The following NUDT3 variants were observed in gnomAD, a reference collection of about 807,000 sequenced individuals.
The protein encoded by NUDT3 is diphosphoinositol polyphosphate phosphohydrolase 1.
Under a neutral mutation model 23.6 loss-of-function variants are expected in NUDT3, and 9 were observed. That is an observed-to-expected ratio of 0.38 (90% confidence interval 0.23 to 0.66). NUDT3 has a LOEUF of 0.66. NUDT3 is among the 30% of genes least tolerant of loss of function. The pLI is 0.52. For missense variants in NUDT3, 172 were observed against 218.5 expected (o/e 0.79, Z 1.34); for synonymous variants, 86 against 82.6 (o/e 1.04, Z -0.22).
chr6:34,385,959 T>C (rs992473866), intron 1 of NUDT3, among the ~76,000 whole-genome samples: 8 of 152,204 alleles, frequency 5.3e-5, no homozygotes, highest in Non-Finnish European at 1.0e-4. Context: ...GCTGGGATTA[T>C]AGGCGTGAGC....
chr6:34,330,722 G>A (rs60369123), intron 2 of NUDT3, among the ~76,000 whole-genome samples: 4 of 152,070 alleles, frequency 2.6e-5, no homozygotes, highest in Admixed American at 6.6e-5. Flanking sequence ...GATCACTTGA[G>A]CCAGGGAGGT....
chr6:34,289,672 C>A (rs1763388859), intron 4 of NUDT3, among the ~76,000 whole-genome samples: 1 of 152,162 alleles, frequency 6.6e-6, no homozygotes, highest in African/African-American at 2.4e-5. Context: ...AATTTATCTA[C>A]ATAATAGAAA....
At chr6:34,357,028 C>T (rs1236504439) in intron 1 of NUDT3, among the ~76,000 whole-genome samples, 3 of 152,186 alleles carry the variant, frequency 2.0e-5, no homozygotes, top group African/African-American at 2.4e-5. Context: ...CCGCCTGCCT[C>T]GGCCTCCCAA....
intron 1 of NUDT3, among the ~76,000 whole-genome samples, chr6:34,351,440 T>TA (rs59813238): frequency 0.014 from 1,752 of 129,072 alleles, 103 homozygotes; most frequent in African/African-American, 0.044. Flanking sequence ...ACCATGTCTT[T>TA]AAAAAAAAAA....
intron 2 of NUDT3, among the ~76,000 whole-genome samples, chr6:34,311,917 A>G (rs1053651484): frequency 6.6e-6 from 1 of 152,188 alleles, no homozygotes; most frequent in Admixed American, 6.6e-5. Context: ...CTTAAAAAAA[A>G]TTAACTCAAA....
intron 2 of NUDT3, 29 bp downstream of exon 2, chr6:34,341,833 C>G: frequency 4.4e-6 from 7 of 1,601,142 alleles, no homozygotes; most frequent in Non-Finnish European, 6.0e-6. Context: ...TGACGAGGCA[C>G]AGCTGTGCCC....
chr6:34,315,649 C>A (rs956669264), intron 2 of NUDT3, among the ~76,000 whole-genome samples: 3 of 152,082 alleles, frequency 2.0e-5, no homozygotes. Context: ...AAAGAAAAAA[C>A]TGAAGGCCTG....
At chr6:34,304,657 CTT>C (rs550653985) in intron 2 of NUDT3, among the ~76,000 whole-genome samples, 1 of 142,092 alleles carries the variant, frequency 7.0e-6, no homozygotes. Flanking sequence ...TTTCTTTTTC[CTT>C]TTTTTTTTTG....
chr6:34,282,860 A>G lies in NUDT3; in HGVS notation c.*5893T>C, dbSNP rs1445441517. 6.6e-6 allele frequency: 1 copy of G among 152,178 alleles called. No homozygotes were observed. The highest frequency in any genetic ancestry group is 2.4e-5 in the African/African-American group (1 of 41,438). The allele number at this position is 152,178 out of a possible 1,614,324, so 9.4% of individuals were successfully genotyped here. On this transcript the variant is annotated 3_prime_UTR_variant, in exon 5 of 5. Coordinates refer to ENST00000607016, the MANE Select transcript of NUDT3 (RefSeq NM_006703.4). ...GTATTAAGAACTGGGGATATAAACCAAAGGAAACCTAGAGTCAACTGACTG... is the reference window on the plus strand; with the variant it reads ...GTATTAAGAACTGGGGATATAAACCGAAGGAAACCTAGAGTCAACTGACTG...
chr6:34,370,731 G>T (rs1764813372), intron 1 of NUDT3, among the ~76,000 whole-genome samples: 1 of 152,110 alleles, frequency 6.6e-6, no homozygotes, highest in African/African-American at 2.4e-5. Flanking sequence ...ATTTTCTTTG[G>T]CTAAAACATA....
intron 1 of NUDT3, among the ~76,000 whole-genome samples, chr6:34,365,434 A>G (rs950175192): frequency 2.6e-5 from 4 of 152,136 alleles, no homozygotes; most frequent in African/African-American, 7.2e-5. Flanking sequence ...TCTCAAAAAT[A>G]AATAAAATAA....
chr6:34,375,661 G>C (rs766449926), intron 1 of NUDT3, among the ~76,000 whole-genome samples: 1 of 152,126 alleles, frequency 6.6e-6, no homozygotes, highest in East Asian at 1.9e-4. Flanking sequence ...GAGTTTTCTC[G>C]AATTCATGTC....
At chr6:34,337,613 G>C (rs1287116596) in intron 2 of NUDT3, among the ~76,000 whole-genome samples, 3 of 152,074 alleles carry the variant, frequency 2.0e-5, no homozygotes, top group African/African-American at 7.2e-5. Flanking sequence ...CAAACATCTG[G>C]TTTTCTATAT....
In NUDT3 at chr6:34,286,132, A is replaced by G. The variant is rs1348419306; in HGVS notation, c.*2621T>C. On this transcript the variant is annotated 3_prime_UTR_variant, in exon 5 of 5. Transcript: ENST00000607016. ...AGTCTTACTCTGTTGCCCAGGCTGG[A>G]GTGCAGTGGCATGATCTTGGCTTAC... 6.6e-6 allele frequency: 1 copy of G among 152,216 alleles called. No individual in the cohort carries two copies. Among genetic ancestry groups the G allele is most frequent in the African/African-American group, 2.4e-5 (1 of 41,460 alleles). 9.4% of individuals were successfully genotyped at this position (152,216 alleles called of 1,614,324 possible). A position where few individuals can be genotyped will look rare whatever the true frequency, so the allele number is the denominator to read the frequency against.
chr6:34,290,139 C>A (rs77365048), intron 4 of NUDT3, among the ~76,000 whole-genome samples: 1,730 of 152,256 alleles, frequency 0.011, 19 homozygotes, highest in African/African-American at 0.034. Flanking sequence ...ATGGAAAGCA[C>A]CTGAAGAGTA....
At chr6:34,328,822 C>T (rs193128972) in intron 2 of NUDT3, among the ~76,000 whole-genome samples, 17 of 152,274 alleles carry the variant, frequency 1.1e-4, no homozygotes, top group Admixed American at 2.0e-4. Flanking sequence ...ATATATTATT[C>T]ATAAAGTTTT....
intron 1 of NUDT3, among the ~76,000 whole-genome samples, chr6:34,390,980 T>C (rs528335392): frequency 1.8e-4 from 28 of 152,298 alleles, no homozygotes; most frequent in African/African-American, 6.7e-4. Flanking sequence ...TTTTACAATA[T>C]ATGGTAGGAT....
chr6:34,351,456 A>AG lies in NUDT3; in HGVS notation c.100-9485dup, dbSNP rs1407790638. Among the ~76,000 whole-genome samples, 13 of 133,650 alleles carry AG rather than the reference A, an allele frequency of 9.7e-5. 2 individuals carry two copies. Among genetic ancestry groups the AG allele is most frequent in the African/African-American group, 3.7e-4 (13 of 34,834 alleles). The allele number at this position is 133,650 out of a possible 152,430, so 87.7% of individuals were successfully genotyped here. A position where few individuals can be genotyped will look rare whatever the true frequency, so the allele number is the denominator to read the frequency against. On this transcript the variant is annotated intron_variant, in intron 1 of 4. Coordinates refer to ENST00000607016, the MANE Select transcript of NUDT3 (RefSeq NM_006703.4). ...CCATGTCTTTAAAAAAAAAAAAATT[A>AG]GAGGGCCAGGCGCGGTGGCTCATGC...
intron 1 of NUDT3, among the ~76,000 whole-genome samples, chr6:34,387,133 C>G (rs1765119169): frequency 6.6e-6 from 1 of 152,102 alleles, no homozygotes; most frequent in African/African-American, 2.4e-5. Flanking sequence ...CAAAATGTAG[C>G]ACATACAATT....
Sources: allele counts gnomAD v4.1 joint callset (sites outside exome capture counted in the v4.1 genomes callset), GRCh38; gene constraint gnomAD v4.1.1; transcripts MANE v1.5; gene names NCBI Gene and HGNC (gene_info 2026-07-23, HGNC 2026-07-21).